Variants in C5AR1 observed in about 807,000 individuals in gnomAD.
The protein encoded by C5AR1 is complement C5a receptor 1, also known as C5a anaphylatoxin chemotactic receptor 1.
Under a neutral mutation model 2.4 loss-of-function variants are expected in C5AR1, and 4 were observed. That is an observed-to-expected ratio of 1.65 (90% CI 0.81 to 3.77). The LOEUF (loss-of-function observed/expected upper bound fraction) is 3.77, where lower values mean the gene tolerates loss of function less well. Ranked by LOEUF, C5AR1 falls within the 30% of genes most tolerant of loss-of-function variation. The pLI is 0.01. For missense variants in C5AR1, 418 were observed against 462.5 expected (o/e 0.90, Z 0.88); for synonymous variants, 209 against 210.4 (o/e 0.99, Z 0.06).
At chr19:47,319,692 G>C in intron 1 of C5AR1, 89 bp from the exon 2 acceptor site, 1 of 814,408 alleles carries the variant, frequency 1.2e-6, no homozygotes, top group East Asian at 2.4e-5. Context: ...AGCCACACAG[G>C]GGAAAAGCCA....
At chr19:47,318,707 T>C (rs913754309) in intron 1 of C5AR1, among the ~76,000 whole-genome samples, 1 of 152,002 alleles carries the variant, frequency 6.6e-6, no homozygotes, top group African/African-American at 2.4e-5. Flanking sequence ...TTTCGGGTGA[T>C]CACTCAGTGC....
rs35436641 is a variant in C5AR1 at position 47,317,519 on chromosome 19, AAT to A, written c.4-2246_4-2245del. 6.4e-4 allele frequency among the ~76,000 whole-genome samples: 86 copies of A among 133,364 alleles called. 3 individuals carry two copies. The highest frequency in any genetic ancestry group is 1.3e-3 in the East Asian group (6 of 4,650). The allele number at this position is 133,364 out of a possible 152,430, so 87.5% of individuals were successfully genotyped here. On this transcript the variant is annotated intron_variant, in intron 1 of 1. Transcript: ENST00000355085. ...TGAGACTCAGTCTCAAAAAAAAAAA[AAT>A]ATATATATATATATAGTGGTTCAGG...
chr19:47,316,012 ATTTTT>A (rs35126686), intron 1 of C5AR1, among the ~76,000 whole-genome samples: 1 of 148,578 alleles, frequency 6.7e-6, no homozygotes, highest in African/African-American at 2.5e-5. Flanking sequence ...TTATCTAGCT[ATTTTT>A]TTTTTTTAGA....
At chr19:47,316,882 A>T (rs1363570701) in intron 1 of C5AR1, among the ~76,000 whole-genome samples, 1 of 152,016 alleles carries the variant, frequency 6.6e-6, no homozygotes, top group Non-Finnish European at 1.5e-5. Flanking sequence ...AACTAGAAAA[A>T]AAAAAACAAA....
rs369903096 is a variant in C5AR1 at position 47,320,490 on chromosome 19, C to G, written c.713C>G (p.Thr238Ser). ...TGGAGCCGCAGGGCCACGCGGTCCA[C>G]CAAGACACTCAAGGTGGTGGTGGCA... ...RTWSRRATRS[T>S]KTLKVVVAVV... The change falls in exon 2 of 2, where the codon ACC becomes AGC. Residue 238 changes from threonine (T) to serine (S), a missense_variant. Transcript: ENST00000355085. The surrounding 1 kb of genome is among the most constrained non-coding windows in gnomAD (Gnocchi z 4.9). 1.2e-6 allele frequency: 2 copies of G among 1,613,910 alleles called. No homozygotes were observed. The highest frequency in any genetic ancestry group is 1.7e-6 in the Non-Finnish European group (2 of 1,180,026).
rs2059312252 is a variant in C5AR1, at chr19:47,321,955, G to A, written c.*1125G>A. ...GGAATCCACTCTCCATTTCTATAATGTTGTCATTTCAAGAATGTTATTCAA... is the reference window on the plus strand; with the variant it reads ...GGAATCCACTCTCCATTTCTATAATATTGTCATTTCAAGAATGTTATTCAA... On this transcript the variant is annotated 3_prime_UTR_variant, in exon 2 of 2. Coordinates refer to ENST00000355085, the MANE Select transcript of C5AR1 (RefSeq NM_001736.4). The A allele has an allele frequency of 1.3e-5, 2 of 151,456 alleles. No homozygotes were observed. Among genetic ancestry groups the A allele is most frequent in the African/African-American group, 2.4e-5 (1 of 41,234 alleles). 9.4% of individuals were successfully genotyped at this position (151,456 alleles called of 1,614,324 possible).
chr19:47,309,167 G>C (rs142083013), upstream of C5AR1, among the ~76,000 whole-genome samples: 1,466 of 152,176 alleles, frequency 9.6e-3, 31 homozygotes, highest in African/African-American at 0.034. Flanking sequence ...CAGCCTGGCC[G>C]GGAGGCTGAG....
intron 1 of C5AR1, among the ~76,000 whole-genome samples, chr19:47,313,676 G>A (rs536620441): frequency 1.3e-5 from 2 of 151,800 alleles, no homozygotes; most frequent in Admixed American, 6.6e-5. Context: ...TCCAGGAGGC[G>A]GAGCTTGCAG....
At chr19:47,317,519 AATAT>A (rs35436641) in intron 1 of C5AR1, among the ~76,000 whole-genome samples, 5 of 133,362 alleles carry the variant, frequency 3.7e-5, no homozygotes, top group African/African-American at 1.4e-4. Context: ...AAAAAAAAAA[AATAT>A]ATATATATAT....
rs535799975 is a variant in C5AR1 at position 47,309,873 on chromosome 19, CG to C, written c.-19del. 205 of 1,612,164 alleles carry C rather than the reference CG, an allele frequency of 1.3e-4. 1 individual carries two copies. In the East Asian group the frequency reaches 4.3e-3, roughly 34 times the overall value. ...TTGGGCAGGAGGGACCTTCGATCCT[CG>C]GGGAGCCCAGGAGACCAGAACATGG... On this transcript the variant is annotated 5_prime_UTR_variant, in exon 1 of 2. Coordinates refer to ENST00000355085, the MANE Select transcript of C5AR1 (RefSeq NM_001736.4).
rs868357627 is a variant in C5AR1 at position 47,320,596 on chromosome 19, C to A, written c.819C>A (p.Pro273=). ...TGTCCTTCCTGGAGCCATCGTCACCCACCTTCCTGCTGCTGAAGAAGCTGG... is the reference window on the plus strand; with the variant it reads ...TGTCCTTCCTGGAGCCATCGTCACCAACCTTCCTGCTGCTGAAGAAGCTGG... ...IMMSFLEPSS[P]TFLLLKKLDS... is the part of the protein sequence containing the mutation. The change falls in exon 2 of 2, where the codon CCC becomes CCA. Residue 273 remains proline (P), a synonymous_variant. Coordinates refer to ENST00000355085, the MANE Select transcript of C5AR1 (RefSeq NM_001736.4). This position sits in a 1 kb window ranked among gnomAD's most constrained non-coding sequence, Gnocchi z 4.9. 6.2e-7 allele frequency: 1 copy of A among 1,613,998 alleles called. No homozygotes were observed.
rs568699971 is a variant in C5AR1, at chr19:47,321,143, A to G, written c.*313A>G. On this transcript the variant is annotated 3_prime_UTR_variant, in exon 2 of 2. Transcript: ENST00000355085. ...GTATCTGGGATATTTCCATATGGCAATAGGTGTGAACAGGGAACTCAGAAT... is the reference window on the plus strand; with the variant it reads ...GTATCTGGGATATTTCCATATGGCAGTAGGTGTGAACAGGGAACTCAGAAT... 4.9e-6 allele frequency: 1 copy of G among 204,822 alleles called. No homozygotes were observed. Among genetic ancestry groups the G allele is most frequent in the Admixed American group, 5.7e-5 (1 of 17,590 alleles). 12.7% of individuals were successfully genotyped at this position (204,822 alleles called of 1,614,324 possible).
At chr19:47,313,917 G>A (rs1316301126) in intron 1 of C5AR1, among the ~76,000 whole-genome samples, 1 of 152,090 alleles carries the variant, frequency 6.6e-6, no homozygotes, top group Non-Finnish European at 1.5e-5. Flanking sequence ...TCCTAGGGTT[G>A]CTTTGTGGGT....
intron 1 of C5AR1, among the ~76,000 whole-genome samples, chr19:47,315,943 CCATCCATCCATCCATCTGTCCATCGATT>C (rs1447542926): frequency 6.6e-6 from 1 of 151,980 alleles, no homozygotes. Flanking sequence ...CATTATCCAT[CCATCCATCCATCCATCTGTCCATCGATT>C]CATCCATCCA....
In C5AR1 at chr19:47,319,925, G is replaced by A. The variant is rs1460453734; in HGVS notation, c.148G>A (p.Val50Met). 6.2e-7 allele frequency: 1 copy of A among 1,614,108 alleles called. No homozygotes were observed. Among genetic ancestry groups the A allele is most frequent in the African/African-American group, 1.3e-5 (1 of 74,924 alleles). The change falls in exon 2 of 2, where the codon GTG (valine) becomes ATG (methionine). Residue 50 changes from valine to methionine, a missense_variant. Val to Met is a conservative substitution (Grantham distance 21). Transcript: ENST00000355085. ...ALVIFAVVFLVGVLGNALVVW... is the reference protein window; with the variant it reads ...ALVIFAVVFLMGVLGNALVVW... ...GGTCATCTTTGCAGTCGTCTTCCTGGTGGGAGTGCTGGGCAATGCCCTGGT... is the reference window on the plus strand; with the variant it reads ...GGTCATCTTTGCAGTCGTCTTCCTGATGGGAGTGCTGGGCAATGCCCTGGT...
Position 47,320,466 on chromosome 19 carries a change from G to T in C5AR1, c.689G>T (p.Trp230Leu), listed in dbSNP as rs2122143734. 6.2e-7 allele frequency: 1 copy of T among 1,613,316 alleles called. No individual in the cohort carries two copies. Among genetic ancestry groups the T allele is most frequent in the Admixed American group, 1.7e-5 (1 of 60,010 alleles). ...ICYTFILLRT[W>L]SRRATRSTKT... ...TACACTTTCATCCTGCTCCGGACGT[G>T]GAGCCGCAGGGCCACGCGGTCCACC... Residue 230 changes from tryptophan to leucine, a missense_variant, in exon 2 of 2, where the codon TGG becomes TTG. Trp to Leu is a moderately conservative substitution (Grantham distance 61). Transcript: ENST00000355085. This position sits in a 1 kb window ranked among gnomAD's most constrained non-coding sequence, Gnocchi z 4.9.
upstream of C5AR1, among the ~76,000 whole-genome samples, chr19:47,308,973 C>T (rs972593253): frequency 6.6e-6 from 1 of 152,104 alleles, no homozygotes; most frequent in Non-Finnish European, 1.5e-5. Flanking sequence ...CAGGGTTTCA[C>T]CATGTTGGCC....
intron 1 of C5AR1, among the ~76,000 whole-genome samples, chr19:47,317,036 T>A (rs1384315646): frequency 1.2e-4 from 16 of 135,092 alleles, no homozygotes; most frequent in African/African-American, 3.6e-4. Context: ...AGAAAAAAAA[T>A]ACAAAAATTA....
chr19:47,320,675 T>C lies in C5AR1; in HGVS notation c.898T>C (p.Tyr300His). 6.2e-7 allele frequency: 1 copy of C among 1,614,168 alleles called. No individual in the cohort carries two copies. Among genetic ancestry groups the C allele is most frequent in the Non-Finnish European group, 8.5e-7 (1 of 1,180,028 alleles). The change falls in exon 2 of 2, where the codon TAC becomes CAC. Residue 300 changes from tyrosine to histidine, a missense_variant. By Grantham distance (83) the Tyr-to-His change is moderately conservative. Transcript: ENST00000355085. This position sits in a 1 kb window ranked among gnomAD's most constrained non-coding sequence, Gnocchi z 4.9. ...YINCCINPII[Y>H]VVAGQGFQGR... is the part of the protein sequence containing the mutation. ...CAACTGCTGCATCAACCCCATCATC[T>C]ACGTGGTGGCCGGCCAGGGCTTCCA...
Sources: allele counts gnomAD v4.1 joint callset (sites outside exome capture counted in the v4.1 genomes callset), GRCh38; gene constraint gnomAD v4.1.1; non-coding constraint Gnocchi (gnomAD v3.1); transcripts MANE v1.5; gene names NCBI Gene and HGNC (gene_info 2026-07-23, HGNC 2026-07-21).